Variants in DNHD1 observed in about 807,000 individuals in gnomAD.
DNHD1 encodes the protein dynein heavy chain domain 1.
DNHD1 carries 383 observed loss-of-function variants against 458.1 expected under a neutral mutation model. The observed-to-expected ratio is 0.84, with a 90% CI of 0.77 to 0.91. The LOEUF (loss-of-function observed/expected upper bound fraction) is 0.91. Among genes scored for constraint, DNHD1 ranks in the 40% least tolerant of loss-of-function variants. DNHD1 has a pLI of 0.00. For missense variants in DNHD1, 5,336 were observed against 5,866.1 expected (o/e 0.91, Z 2.95); for synonymous variants, 2,203 against 2,376.9 (o/e 0.93, Z 2.13).
chr11:6,571,231 C>T lies in DNHD1; in HGVS notation c.13719C>T (p.Ser4573=). 1 of 1,612,092 alleles carries T rather than the reference C, an allele frequency of 6.2e-7. No homozygotes were observed. Among genetic ancestry groups the T allele is most frequent in the Non-Finnish European group, 8.5e-7 (1 of 1,179,444 alleles). The change falls in exon 42 of 43, where the codon AGC becomes AGT. Residue 4573 remains serine (S), a synonymous_variant. Transcript: ENST00000254579. This position sits in a 1 kb window ranked among gnomAD's most constrained non-coding sequence, Gnocchi z 5.0. ...VRYLGVGADA[S]SDVPERVFHL... ...ACTTGGGCGTGGGCGCGGACGCGAGCAGTGATGTACCAGAGCGCGTCTTCC... is the reference window on the plus strand; with the variant it reads ...ACTTGGGCGTGGGCGCGGACGCGAGTAGTGATGTACCAGAGCGCGTCTTCC...
Position 6,520,486 on chromosome 11 carries a change from C to T in DNHD1, c.1837+197C>T, listed in dbSNP as rs188126224. The stretch of plus-strand genomic sequence containing the variant: ...GGGAATGTTTTTGCTCACAAATTCA[C>T]GTGGTTATGTGTATGTGCGTGCAAT... On this transcript the variant is annotated intron_variant, in intron 10 of 42. Coordinates refer to ENST00000254579, the MANE Select transcript of DNHD1 (RefSeq NM_144666.3). 2.0e-3 allele frequency: 2,836 copies of T among 1,436,352 alleles called. 7 individuals are homozygous for T. Among genetic ancestry groups the T allele is most frequent in the Non-Finnish European group, 2.4e-3 (2,597 of 1,095,258 alleles). 89.0% of individuals were successfully genotyped at this position (1,436,352 alleles called of 1,614,324 possible). A position where few individuals can be genotyped will look rare whatever the true frequency, so the allele number is the denominator to read the frequency against.
In DNHD1 at chr11:6,545,758, T is replaced by G; in HGVS notation, c.4819T>G (p.Tyr1607Asp). The change falls in exon 21 of 43, where the codon TAT becomes GAT. Residue 1607 changes from tyrosine (Y) to aspartate (D), a missense_variant. Physicochemically the swap from Tyr to Asp is radical, Grantham distance 160. Around this residue, in one of 4 missense-constraint regions of DNHD1, gnomAD observed 3,932 missense variants for 4,365.6 expected, o/e 0.90. Coordinates refer to ENST00000254579, the MANE Select transcript of DNHD1 (RefSeq NM_144666.3). This position sits in a 1 kb window ranked among gnomAD's most constrained non-coding sequence, Gnocchi z 4.9. ...CTTTCACTGGGTCCGCCAACTCAAG[T>G]ATCACTTGGGTTCACCTCACATAAT... ...TDFHWVRQLK[Y>D]HLGSPHIIPK... 6.4e-7 allele frequency: 1 copy of G among 1,551,716 alleles called. No individual in the cohort carries two copies. The highest frequency in any genetic ancestry group is 1.2e-5 in the South Asian group (1 of 84,070).
At chr11:6,549,969 G>A (rs1165641192) in intron 24 of DNHD1, among the ~76,000 whole-genome samples, 1 of 152,208 alleles carries the variant, frequency 6.6e-6, no homozygotes, top group African/African-American at 2.4e-5. Flanking sequence ...TTTAGGTAGA[G>A]GTTGTTGGAG....
At chr11:6,507,559 G>A (rs1016033723) in intron 4 of DNHD1, among the ~76,000 whole-genome samples, 3 of 152,022 alleles carry the variant, frequency 2.0e-5, no homozygotes, top group African/African-American at 7.2e-5. Flanking sequence ...AAGGAGTAGT[G>A]GCCATTGGGA....
In DNHD1 at chr11:6,528,774, AG is replaced by A; in HGVS notation, c.2092del (p.Val698CysfsTer20). On this transcript the variant is annotated frameshift_variant, in exon 11 of 43. Transcript: ENST00000254579. LOFTEE classifies it high-confidence loss of function. ...ATCCAGCAGGCACTGAATATACAAC[AG>A]GTGCTGCTGGAGGTGAGAACAGTGG... Reference protein sequence around the residue: ...PKIQQALNIQQVLLEGVLCKV... With the variant: ...PKIQQALNIQXVLLEGVLCKV... The A allele has an allele frequency of 5.2e-6, 8 of 1,550,836 alleles. No individual in the cohort carries two copies. The South Asian group carries it at 9.5e-5, about 18-fold the overall frequency.
At position 6,508,904 on chromosome 11, in the gene DNHD1, A is replaced by G. The variant is rs1358943054; in HGVS notation, c.945A>G (p.Pro315=). The change falls in exon 5 of 43, where the codon CCA becomes CCG. Residue 315 remains proline (P), a synonymous_variant. Transcript: ENST00000254579. ...YFRPYSLMVV[P]PDKVNPEHYI... ...GGCCTTACAGCCTGATGGTGGTGCC[A>G]CCCGACAAGGTGAATCCCGAGCACT... 2.5e-6 allele frequency: 4 copies of G among 1,614,062 alleles called. No individual in the cohort carries two copies. Among genetic ancestry groups the G allele is most frequent in the Non-Finnish European group, 3.4e-6 (4 of 1,180,024 alleles).
rs758245014 is a variant in DNHD1, at chr11:6,568,144, A to G, written c.12440A>G (p.Tyr4147Cys). 13 of 1,559,656 alleles carry G rather than the reference A, an allele frequency of 8.3e-6. 1 individual carries two copies. The South Asian group carries it at 1.4e-4, about 17-fold the overall frequency. The change falls in exon 37 of 43, where the codon TAT becomes TGT. Residue 4147 changes from tyrosine (Y) to cysteine (C), a missense_variant. This residue lies in a region of DNHD1 where 695 missense variants were observed against 804.2 expected (regional missense o/e 0.86). Transcript: ENST00000254579. ...GTCAGCACTCTATCCCAGGCTATGTATGAGGGGCACTGGCTGGTGCTGGAC... is the reference window on the plus strand; with the variant it reads ...GTCAGCACTCTATCCCAGGCTATGTGTGAGGGGCACTGGCTGGTGCTGGAC... ...VVVSTLSQAMYEGHWLVLDNC... is the reference protein window; with the variant it reads ...VVVSTLSQAMCEGHWLVLDNC...
chr11:6,508,979 C>T lies in DNHD1; in HGVS notation c.1020C>T (p.Ser340=), dbSNP rs374340852. ...TGCATGTACATCCTGTGGAAGGTAG[C>T]GAGACGATGACACTGGGTACCTGGC... ...GILHVHPVEG[S]ETMTLGTWHH... is the part of the protein sequence containing the mutation. Residue 340 remains serine, a synonymous_variant, in exon 5 of 43, where the codon AGC becomes AGT. Coordinates refer to ENST00000254579, the MANE Select transcript of DNHD1 (RefSeq NM_144666.3). The T allele has an allele frequency of 2.8e-5, 45 of 1,614,062 alleles. No individual in the cohort carries two copies. The highest frequency in any genetic ancestry group is 1.6e-4 in the South Asian group (15 of 91,094).
intron 7 of DNHD1, among the ~76,000 whole-genome samples, chr11:6,512,522 G>A (rs559384982): frequency 2.3e-4 from 35 of 151,920 alleles, no homozygotes; most frequent in Admixed American, 7.2e-4. Flanking sequence ...GCGCCTGGCC[G>A]ACTGCAAGGA....
intron 28 of DNHD1, 42 bp from the exon 29 acceptor site, chr11:6,562,940 G>A: frequency 6.5e-7 from 1 of 1,540,286 alleles, no homozygotes; most frequent in Non-Finnish European, 8.8e-7. Flanking sequence ...TTCCCGCGTG[G>A]CCCAAGATCT....
At chr11:6,529,226 T>A (rs1386240839) in intron 12 of DNHD1, 105 bp downstream of exon 12, 1 of 1,283,696 alleles carries the variant, frequency 7.8e-7, no homozygotes, top group Non-Finnish European at 1.1e-6. Flanking sequence ...GGTGCAGGCC[T>A]CTTATTGGAC....
At chr11:6,538,883 C>A in intron 16 of DNHD1, 73 bp downstream of exon 16, 1 of 1,306,022 alleles carries the variant, frequency 7.7e-7, no homozygotes. Context: ...AACTCAGTTT[C>A]CTGCTGCTCC....
intron 14 of DNHD1, among the ~76,000 whole-genome samples, chr11:6,535,032 C>G (rs1852915826): frequency 6.6e-6 from 1 of 152,228 alleles, no homozygotes; most frequent in Non-Finnish European, 1.5e-5. Context: ...CAGGTGTAAG[C>G]CACTGCGCCT....
At chr11:6,511,539 T>C (rs1852335828) in intron 7 of DNHD1, 110 bp downstream of exon 7, 2 of 1,395,752 alleles carry the variant, frequency 1.4e-6, no homozygotes, top group South Asian at 1.4e-5. Flanking sequence ...ACCTGGACTC[T>C]ACAGTTGAAT....
rs757038147 is a variant in DNHD1 at position 6,564,782 on chromosome 11, G to T, written c.10734G>T (p.Ala3578=). Residue 3578 remains alanine (A), a synonymous_variant, in exon 32 of 43, where the codon GCG becomes GCT. Transcript: ENST00000254579. ...CTCTGGAAGAGAATCGATCTTTTGCGCCAGCCCTCACTGAGGGTAGAGGTA... is the reference window on the plus strand; with the variant it reads ...CTCTGGAAGAGAATCGATCTTTTGCTCCAGCCCTCACTGAGGGTAGAGGTA... ...PLPLEENRSF[A]PALTEGRGKG... 3.3e-6 allele frequency: 5 copies of T among 1,533,206 alleles called. No individual in the cohort carries two copies. The highest frequency in any genetic ancestry group is 4.0e-5 in the Admixed American group (2 of 50,100). The allele number at this position is 1,533,206 out of a possible 1,614,324, so 95.0% of individuals were successfully genotyped here.
Position 6,567,549 on chromosome 11 carries a change from C to G in DNHD1, c.12040C>G (p.Gln4014Glu), listed in dbSNP as rs199834293. ...ASLAGHSSAW[Q>E]AYLSLSSTVL... ...CCTGGCAGGCCACTCCAGTGCTTGG[C>G]AGGCTTACCTGTCACTGTCATCCAC... Residue 4014 changes from glutamine (Q) to glutamate (E), a missense_variant, in exon 36 of 43, where the codon CAG (glutamine) becomes GAG (glutamate). Around this residue, in one of 4 missense-constraint regions of DNHD1, gnomAD observed 695 missense variants for 804.2 expected, o/e 0.86. Transcript: ENST00000254579. The G allele has an allele frequency of 6.2e-7, 1 of 1,612,940 alleles. No homozygotes were observed. The highest frequency in any genetic ancestry group is 8.5e-7 in the Non-Finnish European group (1 of 1,179,438).
At position 6,548,912 on chromosome 11, in the gene DNHD1, G is replaced by T. The variant is rs1853278420; in HGVS notation, c.7366G>T (p.Asp2456Tyr). 1 of 1,551,546 alleles carries T rather than the reference G, an allele frequency of 6.4e-7. No individual in the cohort carries two copies. Among genetic ancestry groups the T allele is most frequent in the Non-Finnish European group, 8.7e-7 (1 of 1,146,990 alleles). Residue 2456 changes from aspartate to tyrosine, a missense_variant, in exon 24 of 43, where the codon GAC becomes TAC. Transcript: ENST00000254579. The surrounding 1 kb of genome is among the most constrained non-coding windows in gnomAD (Gnocchi z 4.4). ...ACCCTCCCTCCTCTTCTTGCTGGAG[G>T]ACCTGCACCTAGCCACTTCTGGTGA... ...SKPSLLFLLEDLHLATSDPEK... is the reference protein window; with the variant it reads ...SKPSLLFLLEYLHLATSDPEK...
intron 10 of DNHD1, among the ~76,000 whole-genome samples, chr11:6,521,494 TA>T (rs1852603271): frequency 1.3e-5 from 2 of 152,186 alleles, no homozygotes; most frequent in South Asian, 4.1e-4. Context: ...TTGGTATGTT[TA>T]GGGGTGAAAT....
intron 19 of DNHD1, 113 bp downstream of exon 19, chr11:6,544,359 G>A (rs1853161752): frequency 2.3e-6 from 3 of 1,282,604 alleles, no homozygotes; most frequent in South Asian, 1.4e-5. Flanking sequence ...AACACAGTGA[G>A]GACCTCCTTC....
Sources: gnomAD v4.1 joint callset for allele counts (sites outside exome capture counted in the v4.1 genomes callset) on GRCh38, gnomAD v4.1.1 for gene constraint, gnomAD v4.1.1 regional missense constraint, Gnocchi (gnomAD v3.1) non-coding constraint, MANE v1.5 for transcripts, NCBI Gene and HGNC (gene_info 2026-07-23, HGNC 2026-07-21) for gene names.